The following PRXL2B variants were observed in gnomAD, a reference collection of about 807,000 sequenced individuals.
PRXL2B encodes the protein peroxiredoxin like 2B.
In PRXL2B, 26 loss-of-function variants were observed where a neutral mutation model predicts 24.4. That is an observed-to-expected ratio of 1.07 (90% CI 0.78 to 1.48). PRXL2B has a LOEUF of 1.48. Among genes scored for constraint, PRXL2B ranks in the 40% most tolerant of loss-of-function variants. The pLI, the probability that PRXL2B is intolerant of heterozygous loss-of-function variation, is 0.00. For missense variants in PRXL2B, 269 were observed against 264.8 expected (o/e 1.02, Z -0.11); for synonymous variants, 115 against 118.9 (o/e 0.97, Z 0.21).
intron 6 of PRXL2B, 75 bp downstream of exon 6, chr1:2,589,115 T>C: frequency 1.4e-6 from 2 of 1,418,862 alleles, no homozygotes; most frequent in South Asian, 1.2e-5. Context: ...GCACTCGGCT[T>C]GGCTGGGAGC....
chr1:2,587,077 C>A lies in PRXL2B; in HGVS notation c.64-14C>A. 1 of 1,500,954 alleles carries A rather than the reference C, an allele frequency of 6.7e-7. No homozygotes were observed. Among genetic ancestry groups the A allele is most frequent in the Non-Finnish European group, 8.8e-7 (1 of 1,133,218 alleles). 93.0% of individuals were successfully genotyped at this position (1,500,954 alleles called of 1,614,324 possible). On this transcript the variant is annotated splice_polypyrimidine_tract_variant and intron_variant, in intron 1 of 6. Transcript: ENST00000419916. This position sits in a 1 kb window ranked among gnomAD's most constrained non-coding sequence, Gnocchi z 6.1. ...GGGGCAACGGGGCGCGCCCATGACC[C>A]AGCCGCCCGGCAGGCCGTGGAGCTG...
rs1326233491 is a variant in PRXL2B, at chr1:2,589,907, G to A, written c.*480G>A. ...GAGTTGGGTTTTCAGGGCAGAGATG[G>A]GCTTGATTCCACCTGGTGGGGTGGG... On this transcript the variant is annotated 3_prime_UTR_variant, in exon 7 of 7. Transcript: ENST00000419916. 1.2e-5 allele frequency: 2 copies of A among 170,000 alleles called. No individual in the cohort carries two copies. The highest frequency in any genetic ancestry group is 2.4e-5 in the African/African-American group (1 of 41,974). 10.5% of individuals were successfully genotyped at this position (170,000 alleles called of 1,614,324 possible). A position where few individuals can be genotyped will look rare whatever the true frequency, so the allele number is the denominator to read the frequency against.
At chr1:2,586,591 A>G, upstream of PRXL2B, 1 of 527,994 alleles carries the variant, frequency 1.9e-6, no homozygotes, top group Non-Finnish European at 2.9e-6. Flanking sequence ...CTTGGCCTGG[A>G]GTAGGAGGGG....
chr1:2,588,747 C>G, intron 5 of PRXL2B, 122 bp downstream of exon 5: 1 of 1,269,828 alleles, frequency 7.9e-7, no homozygotes, highest in East Asian at 2.3e-5. Context: ...GCAATGTGGC[C>G]TGGTTCTGCG....
In PRXL2B at chr1:2,588,628, G is replaced by C. The variant is rs769745435; in HGVS notation, c.460+3G>C. ...AGGGCTGCTGGTGGTCAGCAAAGGT[G>C]GGTCGAGGGAGGGGCCTCGGCCACT... On this transcript the variant is annotated splice_donor_region_variant and intron_variant, in intron 5 of 6. Transcript: ENST00000419916. 7 of 1,613,538 alleles carry C rather than the reference G, an allele frequency of 4.3e-6. No individual in the cohort carries two copies. The highest frequency in any genetic ancestry group is 8.5e-7 in the Non-Finnish European group (1 of 1,179,866).
chr1:2,587,373 C>A lies in PRXL2B; in HGVS notation c.268+78C>A. On this transcript the variant is annotated intron_variant, in intron 2 of 6. Transcript: ENST00000419916. This position sits in a 1 kb window ranked among gnomAD's most constrained non-coding sequence, Gnocchi z 6.1. ...GCGTTCGGGGCCCTTTCCTGCCCAA[C>A]CCCGGCCCTTCTGTCTGCTGGAGCG... The A allele has an allele frequency of 6.8e-7, 1 of 1,474,802 alleles. No homozygotes were observed. Among genetic ancestry groups the A allele is most frequent in the Non-Finnish European group, 9.1e-7 (1 of 1,096,870 alleles). The allele number at this position is 1,474,802 out of a possible 1,614,324, so 91.4% of individuals were successfully genotyped here.
intron 5 of PRXL2B, 68 bp from the exon 6 acceptor site, chr1:2,588,854 C>T (rs1644598188): frequency 1.3e-6 from 2 of 1,486,620 alleles, no homozygotes; most frequent in Non-Finnish European, 9.4e-7. Context: ...ACCCTCCCTC[C>T]TCCTGGTATG....
Position 2,589,922 on chromosome 1 carries a change from G to C in PRXL2B, c.*495G>C. On this transcript the variant is annotated 3_prime_UTR_variant, in exon 7 of 7. Coordinates refer to ENST00000419916, the MANE Select transcript of PRXL2B (RefSeq NM_152371.5). ...GGCAGAGATGGGCTTGATTCCACCT[G>C]GTGGGGTGGGTGGACCCTGGAGACT... The C allele has an allele frequency of 6.0e-6, 1 of 166,630 alleles. No homozygotes were observed. Among genetic ancestry groups the C allele is most frequent in the Non-Finnish European group, 1.3e-5 (1 of 77,552 alleles). The allele number at this position is 166,630 out of a possible 1,614,324, so 10.3% of individuals were successfully genotyped here.
At position 2,591,305 on chromosome 1, in the gene PRXL2B, T is replaced by G; in HGVS notation, c.*1878T>G. On this transcript the variant is annotated 3_prime_UTR_variant, in exon 7 of 7. Coordinates refer to ENST00000419916, the MANE Select transcript of PRXL2B (RefSeq NM_152371.5). ...CCTCCAGCCAGAGATATTCCAACTCTGCAATAAAACTCTCCTTCACACAGA... is the reference window on the plus strand; with the variant it reads ...CCTCCAGCCAGAGATATTCCAACTCGGCAATAAAACTCTCCTTCACACAGA... 1.7e-6 allele frequency: 1 copy of G among 597,796 alleles called. No individual in the cohort carries two copies. The highest frequency in any genetic ancestry group is 3.0e-6 in the Non-Finnish European group (1 of 337,604). 37.0% of individuals were successfully genotyped at this position (597,796 alleles called of 1,614,324 possible).
At position 2,591,128 on chromosome 1, in the gene PRXL2B, C is replaced by T; in HGVS notation, c.*1701C>T. Reference sequence around the variant, plus strand: ...GGTGTGACAGCAGGAGCATTGCCATCTTGGACAAACATGGCCATTTTAAGT... The same window carrying T: ...GGTGTGACAGCAGGAGCATTGCCATTTTGGACAAACATGGCCATTTTAAGT... On this transcript the variant is annotated 3_prime_UTR_variant, in exon 7 of 7. Coordinates refer to ENST00000419916, the MANE Select transcript of PRXL2B (RefSeq NM_152371.5). 1 of 1,418,302 alleles carries T rather than the reference C, an allele frequency of 7.1e-7. No homozygotes were observed. The highest frequency in any genetic ancestry group is 9.5e-7 in the Non-Finnish European group (1 of 1,048,594). 87.9% of individuals were successfully genotyped at this position (1,418,302 alleles called of 1,614,324 possible). A position where few individuals can be genotyped will look rare whatever the true frequency, so the allele number is the denominator to read the frequency against.
In PRXL2B at chr1:2,587,071, A is replaced by T. The variant is rs1308762490; in HGVS notation, c.64-20A>T. The T allele has an allele frequency of 5.4e-6, 8 of 1,490,654 alleles. No individual in the cohort carries two copies. The highest frequency in any genetic ancestry group is 4.3e-5 in the African/African-American group (3 of 69,398). 92.3% of individuals were successfully genotyped at this position (1,490,654 alleles called of 1,614,324 possible). ...GGGCTGGGGGCAACGGGGCGCGCCC[A>T]TGACCCAGCCGCCCGGCAGGCCGTG... On this transcript the variant is annotated intron_variant, in intron 1 of 6. Transcript: ENST00000419916. The surrounding 1 kb of genome is among the most constrained non-coding windows in gnomAD (Gnocchi z 6.1).
rs576252354 is a variant in PRXL2B at position 2,591,466 on chromosome 1, C to G, written c.*2039C>G. The G allele has an allele frequency of 3.7e-6, 4 of 1,075,306 alleles. No homozygotes were observed. The East Asian group carries it at 9.4e-5, about 25-fold the overall frequency. The allele number at this position is 1,075,306 out of a possible 1,614,324, so 66.6% of individuals were successfully genotyped here. Reference sequence around the variant, plus strand: ...CCAAAATAAACCTGTCTCTGTTGAGCCACTTTTTGTGCTTTCTTCTTTTAC... The same window carrying G: ...CCAAAATAAACCTGTCTCTGTTGAGGCACTTTTTGTGCTTTCTTCTTTTAC... On this transcript the variant is annotated 3_prime_UTR_variant, in exon 7 of 7. Coordinates refer to ENST00000419916, the MANE Select transcript of PRXL2B (RefSeq NM_152371.5).
At chr1:2,588,504 GA>G (rs1184654055) in intron 4 of PRXL2B, 45 bp from the exon 5 acceptor site, 1 of 1,613,606 alleles carries the variant, frequency 6.2e-7, no homozygotes, top group East Asian at 2.2e-5. Context: ...GAGCTCCCAG[GA>G]GCCTTTCTTC....
In PRXL2B at chr1:2,587,713, G is replaced by T; in HGVS notation, c.269-28G>T. 1 of 1,589,652 alleles carries T rather than the reference G, an allele frequency of 6.3e-7. No homozygotes were observed. The highest frequency in any genetic ancestry group is 8.6e-7 in the Non-Finnish European group (1 of 1,167,970). ...GTTGGGGGCTGGTTCTGCGCCTGGG[G>T]CACACACATGTGGCTTCCGCTTTCC... is the stretch of plus-strand genomic sequence containing the variant. On this transcript the variant is annotated intron_variant, in intron 2 of 6. Coordinates refer to ENST00000419916, the MANE Select transcript of PRXL2B (RefSeq NM_152371.5). The surrounding 1 kb of genome is among the most constrained non-coding windows in gnomAD (Gnocchi z 6.1).
upstream of PRXL2B, chr1:2,586,609 G>A (rs1644520389): frequency 1.5e-6 from 1 of 655,342 alleles, no homozygotes; most frequent in Non-Finnish European, 2.2e-6. Flanking sequence ...GGGAAACAAG[G>A]CGGGACTAGG....
intron 3 of PRXL2B, 76 bp from the exon 4 acceptor site, chr1:2,588,314 G>T (rs2100903867): frequency 6.2e-7 from 1 of 1,605,822 alleles, no homozygotes. Context: ...CCTAGGAACT[G>T]GTCTCATGGA....
rs111634861 is a variant in PRXL2B, at chr1:2,591,407, C to T, written c.*1980C>T. On this transcript the variant is annotated 3_prime_UTR_variant, in exon 7 of 7. Transcript: ENST00000419916. ...TAGTCTGTAAGAGAATGTCCCTGACCGAAATCGGCCAGAAGCCCCTCTCAG... is the reference window on the plus strand; with the variant it reads ...TAGTCTGTAAGAGAATGTCCCTGACTGAAATCGGCCAGAAGCCCCTCTCAG... The T allele has an allele frequency of 6.4e-5, 44 of 683,000 alleles. No homozygotes were observed. Among genetic ancestry groups the T allele is most frequent in the African/African-American group, 4.1e-4 (23 of 56,528 alleles). The allele number at this position is 683,000 out of a possible 1,614,324, so 42.3% of individuals were successfully genotyped here. A position where few individuals can be genotyped will look rare whatever the true frequency, so the allele number is the denominator to read the frequency against.
In PRXL2B at chr1:2,591,124, C is replaced by A. The variant is rs769787364; in HGVS notation, c.*1697C>A. On this transcript the variant is annotated 3_prime_UTR_variant, in exon 7 of 7. Coordinates refer to ENST00000419916, the MANE Select transcript of PRXL2B (RefSeq NM_152371.5). ...GGTGGGTGTGACAGCAGGAGCATTG[C>A]CATCTTGGACAAACATGGCCATTTT... is the stretch of plus-strand genomic sequence containing the variant. 3.5e-6 allele frequency: 5 copies of A among 1,443,526 alleles called. No individual in the cohort carries two copies. Among genetic ancestry groups the A allele is most frequent in the Non-Finnish European group, 4.7e-6 (5 of 1,070,972 alleles). 89.4% of individuals were successfully genotyped at this position (1,443,526 alleles called of 1,614,324 possible). A position where few individuals can be genotyped will look rare whatever the true frequency, so the allele number is the denominator to read the frequency against.
At position 2,589,399 on chromosome 1, in the gene PRXL2B, T is replaced by C. The variant is rs751489355; in HGVS notation, c.580-11T>C. 8 of 1,613,430 alleles carry C rather than the reference T, an allele frequency of 5.0e-6. No homozygotes were observed. In the South Asian group the frequency reaches 7.7e-5, roughly 16 times the overall value. On this transcript the variant is annotated splice_polypyrimidine_tract_variant and intron_variant, in intron 6 of 6. Transcript: ENST00000419916. ...GTCCAGCGGCCCCATGGGACCCTGC[T>C]GTCCCCACAGTGTGACAGAGAGGTG... is the stretch of plus-strand genomic sequence containing the variant.
Sources: allele counts gnomAD v4.1 joint callset, GRCh38; gene constraint gnomAD v4.1.1; non-coding constraint Gnocchi (gnomAD v3.1); transcripts MANE v1.5; gene names NCBI Gene and HGNC (gene_info 2026-07-23, HGNC 2026-07-21).